BABAM2: variants seen among roughly 807,000 people sequenced by gnomAD.
BABAM2 encodes the protein BRISC and BRCA1-A complex member 2.
In BABAM2, 31 loss-of-function variants were observed where a neutral mutation model predicts 54.7. That is an observed-to-expected ratio of 0.57 (90% CI 0.43 to 0.77). BABAM2 has a LOEUF of 0.77. Among genes scored for constraint, BABAM2 ranks in the 30% least tolerant of loss-of-function variants. BABAM2 has a pLI of 0.00. For synonymous variants in BABAM2, 167 were observed against 162.9 expected, an observed-to-expected ratio of 1.03 and a Z score of -0.19; for missense variants, 364 against 455.8, an observed-to-expected ratio of 0.80 and a Z score of 1.83.
intron 7 of BABAM2, among the ~76,000 whole-genome samples, chr2:28,130,711 C>T (rs1173425409): frequency 6.6e-6 from 1 of 151,528 alleles, no homozygotes; most frequent in Non-Finnish European, 1.5e-5. Context: ...GCCTCGGCCT[C>T]CCAAAGAATG....
intron 3 of BABAM2, among the ~76,000 whole-genome samples, chr2:27,947,940 G>A (rs977423418): frequency 6.6e-6 from 1 of 152,038 alleles, no homozygotes; most frequent in East Asian, 1.9e-4. Flanking sequence ...AGTCTGTCCT[G>A]TAGGTCTATA....
chr2:27,914,609 G>A (rs897614507), intron 2 of BABAM2, among the ~76,000 whole-genome samples: 7 of 152,140 alleles, frequency 4.6e-5, no homozygotes, highest in African/African-American at 1.7e-4. Context: ...GATTGTACTG[G>A]ACAGAGCTGT....
At chr2:28,198,445 C>T (rs372975118) in intron 7 of BABAM2, among the ~76,000 whole-genome samples, 6 of 152,044 alleles carry the variant, frequency 3.9e-5, no homozygotes, top group East Asian at 3.9e-4. Flanking sequence ...GGATTACAGG[C>T]GTGAGCCACC....
intron 3 of BABAM2, among the ~76,000 whole-genome samples, chr2:27,982,144 T>C (rs1672052742): frequency 6.6e-6 from 1 of 152,186 alleles, no homozygotes; most frequent in African/African-American, 2.4e-5. Context: ...TTATTTGACA[T>C]TTGTATATCT....
chr2:28,264,977 T>C (rs1413623407), intron 10 of BABAM2, among the ~76,000 whole-genome samples: 1 of 152,220 alleles, frequency 6.6e-6, no homozygotes, highest in Non-Finnish European at 1.5e-5. Context: ...CAACCCAGAC[T>C]TAACTTTGCT....
intron 6 of BABAM2, among the ~76,000 whole-genome samples, chr2:28,094,157 A>G (rs1252228792): frequency 6.6e-6 from 1 of 152,222 alleles, no homozygotes; most frequent in Non-Finnish European, 1.5e-5. Context: ...AATTAATAAA[A>G]AATTTAAAAT....
At chr2:27,939,599 C>T (rs763212517) in intron 3 of BABAM2, among the ~76,000 whole-genome samples, 2 of 152,190 alleles carry the variant, frequency 1.3e-5, no homozygotes, top group Non-Finnish European at 2.9e-5. Context: ...GTAATTGGAA[C>T]ATTGCTCTTA....
chr2:28,195,568 G>A (rs1677433785), intron 7 of BABAM2, among the ~76,000 whole-genome samples: 1 of 152,192 alleles, frequency 6.6e-6, no homozygotes, highest in African/African-American at 2.4e-5. Flanking sequence ...CCTTTTGGGT[G>A]GAGAAGTCTA....
chr2:28,093,568 G>A (rs1050986920), intron 6 of BABAM2, among the ~76,000 whole-genome samples: 1 of 152,108 alleles, frequency 6.6e-6, no homozygotes, highest in African/African-American at 2.4e-5. Context: ...CGGCTACGAC[G>A]TATACCTGTA....
Position 27,961,722 on chromosome 2 carries a change from C to CTT in BABAM2, c.206-26251_206-26250dup, listed in dbSNP as rs5830058. ...ATACATCTCTAATTCCCTTAATTATCTTTTTTTTTTTTTTTTTTTTTGAGA... is the reference window on the plus strand; with the variant it reads ...ATACATCTCTAATTCCCTTAATTATCTTTTTTTTTTTTTTTTTTTTTTTGAGA... On this transcript the variant is annotated intron_variant, in intron 3 of 11. Transcript: ENST00000379624. Among the ~76,000 whole-genome samples, 122 of 99,060 alleles carry CTT rather than the reference C, an allele frequency of 1.2e-3. 1 individual carries two copies. Among genetic ancestry groups the CTT allele is most frequent in the East Asian group, 2.1e-3 (8 of 3,756 alleles). 65.0% of individuals were successfully genotyped at this position (99,060 alleles called of 152,430 possible).
chr2:28,031,574 T>A (rs1395575032), intron 5 of BABAM2, among the ~76,000 whole-genome samples: 1 of 152,080 alleles, frequency 6.6e-6, no homozygotes, highest in East Asian at 1.9e-4. Flanking sequence ...AAAAATAAAG[T>A]AGATCAGATA....
At chr2:28,153,849 A>AT (rs1402687668) in intron 7 of BABAM2, among the ~76,000 whole-genome samples, 1 of 152,136 alleles carries the variant, frequency 6.6e-6, no homozygotes. Flanking sequence ...TTACTACCTA[A>AT]TTTTCTCCGG....
At chr2:28,240,824 C>A (rs1260032703) in intron 8 of BABAM2, among the ~76,000 whole-genome samples, 1 of 147,768 alleles carries the variant, frequency 6.8e-6, no homozygotes, top group African/African-American at 2.5e-5. Flanking sequence ...GAGCTAAGAT[C>A]GCGCCATTGC....
intron 10 of BABAM2, among the ~76,000 whole-genome samples, chr2:28,287,192 A>C (rs985977940): frequency 6.6e-6 from 1 of 152,210 alleles, no homozygotes. Context: ...GACTTTTTAA[A>C]GACTTTGCCC....
At chr2:28,154,263 C>T (rs1256681784) in intron 7 of BABAM2, among the ~76,000 whole-genome samples, 9 of 152,190 alleles carry the variant, frequency 5.9e-5, no homozygotes, top group Non-Finnish European at 1.2e-4. Context: ...AAATAGGCAA[C>T]ACCTTGGCAA....
At chr2:28,186,251 G>A (rs1274373502) in intron 7 of BABAM2, among the ~76,000 whole-genome samples, 4 of 152,142 alleles carry the variant, frequency 2.6e-5, no homozygotes, top group Non-Finnish European at 5.9e-5. Flanking sequence ...TATGTAAAAA[G>A]TAGAATAGTG....
At chr2:28,215,821 T>C (rs1034299847) in intron 7 of BABAM2, among the ~76,000 whole-genome samples, 3 of 152,204 alleles carry the variant, frequency 2.0e-5, no homozygotes, top group Non-Finnish European at 4.4e-5. Flanking sequence ...CATTTTACTT[T>C]TTCAGGTTTT....
chr2:28,162,655 G>A (rs949458128), intron 7 of BABAM2, among the ~76,000 whole-genome samples: 6 of 152,172 alleles, frequency 3.9e-5, no homozygotes, highest in East Asian at 3.9e-4. Flanking sequence ...GCTCTTCCTC[G>A]CACACTAGAG....
chr2:28,196,836 C>CTTTTTTTTTT (rs759950166), intron 7 of BABAM2, among the ~76,000 whole-genome samples: 489 of 40,244 alleles, frequency 0.012, 157 homozygotes, highest in Non-Finnish European at 0.015. Context: ...GAGACCCTGT[C>CTTTTTTTTTT]TTTTTTTTTT....
Sources: gnomAD v4.1 joint callset for allele counts (sites outside exome capture counted in the v4.1 genomes callset) on GRCh38, gnomAD v4.1.1 for gene constraint, MANE v1.5 for transcripts, NCBI Gene and HGNC (gene_info 2026-07-23, HGNC 2026-07-21) for gene names.